The following ACAP2 variants were observed in gnomAD, a reference collection of about 807,000 sequenced individuals.
ACAP2 encodes the protein ArfGAP with coiled-coil, ankyrin repeat and PH domains 2.
In ACAP2, 39 loss-of-function variants were observed where a neutral mutation model predicts 115.8. The observed-to-expected ratio is 0.34, with a 90% CI of 0.26 to 0.44. The LOEUF is 0.44. ACAP2 is among the 20% of genes least tolerant of loss of function. The pLI, the probability that ACAP2 is intolerant of heterozygous loss-of-function variation, is 1.00. For missense variants in ACAP2, 662 were observed against 927.6 expected (o/e 0.71, Z 3.72); for synonymous variants, 289 against 315.8 (o/e 0.92, Z 0.90).
chr3:195,358,695 G>C (rs1159534948), intron 4 of ACAP2, among the ~76,000 whole-genome samples: 2 of 151,944 alleles, frequency 1.3e-5, no homozygotes, highest in Admixed American at 6.6e-5. Context: ...GAATAAAAAA[G>C]AATGAAGCAT....
At chr3:195,300,894 G>A (rs762221428) in intron 15 of ACAP2, among the ~76,000 whole-genome samples, 19 of 152,072 alleles carry the variant, frequency 1.2e-4, no homozygotes, top group Non-Finnish European at 2.6e-4. Flanking sequence ...GCATGCATCT[G>A]TGGTGTCAAT....
chr3:195,391,820 C>T (rs566360025), intron 2 of ACAP2, among the ~76,000 whole-genome samples: 1 of 152,010 alleles, frequency 6.6e-6, no homozygotes, highest in South Asian at 2.1e-4. Context: ...CATGGGAAAC[C>T]CTGTCTCTAC....
intron 15 of ACAP2, among the ~76,000 whole-genome samples, chr3:195,300,044 C>CTTTTTTTT (rs765234326): frequency 1.2e-4 from 4 of 34,364 alleles, no homozygotes; most frequent in Non-Finnish European, 1.9e-4. Context: ...CTTTTTTTTT[C>CTTTTTTTT]TTTTTTTTTT....
chr3:195,420,380 A>T (rs887230839), intron 1 of ACAP2, among the ~76,000 whole-genome samples: 2 of 151,708 alleles, frequency 1.3e-5, no homozygotes, highest in Non-Finnish European at 2.9e-5. Context: ...ACGGAGTCTC[A>T]CTCTGTCTCC....
Position 195,392,111 on chromosome 3 carries a change from T to A in ACAP2, c.90A>T (p.Glu30Asp). The change falls in exon 2 of 23, where the codon GAA becomes GAT. Residue 30 changes from glutamate to aspartate, a missense_variant. Coordinates refer to ENST00000326793, the MANE Select transcript of ACAP2 (RefSeq NM_012287.6). ...TTACCTTATCAAGTTTTAGTTCCAA[T>A]TCTGCCACATCACCTTCTACTTCTT... The part of the protein sequence containing the change: ...ALEEVEGDVA[E>D]LELKLDKLVK... The A allele has an allele frequency of 6.2e-7, 1 of 1,612,832 alleles. No homozygotes were observed. The highest frequency in any genetic ancestry group is 1.1e-5 in the South Asian group (1 of 90,670).
chr3:195,384,107 G>A (rs983355222), intron 2 of ACAP2, among the ~76,000 whole-genome samples: 2 of 152,024 alleles, frequency 1.3e-5, no homozygotes, highest in Non-Finnish European at 2.9e-5. Flanking sequence ...TTCTAACTTC[G>A]CAATTTCACT....
At chr3:195,299,932 T>C (rs1727918937) in intron 15 of ACAP2, among the ~76,000 whole-genome samples, 2 of 151,468 alleles carry the variant, frequency 1.3e-5, no homozygotes, top group Non-Finnish European at 2.9e-5. Flanking sequence ...GATTAAAATT[T>C]GAAAAATATT....
chr3:195,364,853 T>A (rs1442081314), intron 4 of ACAP2, among the ~76,000 whole-genome samples: 1 of 152,212 alleles, frequency 6.6e-6, no homozygotes, highest in Non-Finnish European at 1.5e-5. Context: ...ATATTTACAG[T>A]AGCCAAGATT....
intron 1 of ACAP2, among the ~76,000 whole-genome samples, chr3:195,427,259 C>T (rs1714752973): frequency 6.6e-6 from 1 of 152,134 alleles, no homozygotes; most frequent in Non-Finnish European, 1.5e-5. Context: ...AGAATGCAGC[C>T]CTGCCAACTG....
chr3:195,290,645 TA>T lies in ACAP2; in HGVS notation c.2063+1060del, dbSNP rs1187874912. Among the ~76,000 whole-genome samples, 3 of 151,822 alleles carry T rather than the reference TA, an allele frequency of 2.0e-5. No individual in the cohort carries two copies. In the East Asian group the frequency reaches 5.8e-4, roughly 29 times the overall value. On this transcript the variant is annotated intron_variant, in intron 20 of 22. Transcript: ENST00000326793. ...GGCCAACATGATGAAACCTCGTCTC[TA>T]CTAAAAATACAAAAAAATTAGCCAG... is the stretch of plus-strand genomic sequence containing the variant.
At position 195,426,925 on chromosome 3, in the gene ACAP2, G is replaced by GC. The variant is rs538700203; in HGVS notation, c.53+15869dup. Among the ~76,000 whole-genome samples the GC allele has an allele frequency of 8.7e-4, 132 of 152,090 alleles. 1 individual carries two copies. The highest frequency in any genetic ancestry group is 2.9e-3 in the African/African-American group (119 of 41,512). On this transcript the variant is annotated intron_variant, in intron 1 of 22. Transcript: ENST00000326793. The stretch of plus-strand genomic sequence containing the variant: ...GGTGGACTGTGGTAGACAAAATAAT[G>GC]CCCCCCGCCACCCGCCCCCACCAAG...
Position 195,276,468 on chromosome 3 carries a change from G to C in ACAP2, c.*2860C>G, listed in dbSNP as rs867942314. 32 of 152,246 alleles carry C rather than the reference G, an allele frequency of 2.1e-4. No individual in the cohort carries two copies. The highest frequency in any genetic ancestry group is 7.7e-4 in the African/African-American group (32 of 41,536). The allele number at this position is 152,246 out of a possible 1,614,324, so 9.4% of individuals were successfully genotyped here. On this transcript the variant is annotated 3_prime_UTR_variant, in exon 23 of 23. Coordinates refer to ENST00000326793, the MANE Select transcript of ACAP2 (RefSeq NM_012287.6). ...ATTACTTTTATTCTAGCTCTAACAT[G>C]AAATTGCATTTTATTAACTCTTCAT...
Position 195,342,507 on chromosome 3 carries a change from T to C in ACAP2, c.492A>G (p.Lys164=). The C allele has an allele frequency of 6.2e-7, 1 of 1,610,580 alleles. No homozygotes were observed. The highest frequency in any genetic ancestry group is 8.5e-7 in the Non-Finnish European group (1 of 1,179,210). ...EATNILTATR[K]CFRHIALDYV... The stretch of plus-strand genomic sequence containing the variant: ...AATCGAGGGCTATGTGTCGGAAACA[T>C]TTTCTTGTTGCTGTCAGAATGTTGG... Residue 164 remains lysine (K), a synonymous_variant, in exon 6 of 23, where the codon AAA becomes AAG. Coordinates refer to ENST00000326793, the MANE Select transcript of ACAP2 (RefSeq NM_012287.6).
intron 2 of ACAP2, among the ~76,000 whole-genome samples, chr3:195,382,759 C>T (rs1019794311): frequency 4.6e-5 from 7 of 151,708 alleles, no homozygotes; most frequent in African/African-American, 1.7e-4. Context: ...TGCCCTGAGA[C>T]CTAGGGGAAC....
chr3:195,437,000 A>G (rs912002355), intron 1 of ACAP2, among the ~76,000 whole-genome samples: 8 of 152,228 alleles, frequency 5.3e-5, no homozygotes, highest in African/African-American at 9.6e-5. Context: ...TTAAATTTCT[A>G]TATGATAAAA....
chr3:195,356,497 C>T (rs562864478), intron 4 of ACAP2, among the ~76,000 whole-genome samples: 2 of 152,172 alleles, frequency 1.3e-5, no homozygotes, highest in Non-Finnish European at 2.9e-5. Flanking sequence ...GAGACACCAG[C>T]CAATGCGGCT....
At chr3:195,409,779 G>A (rs1290293455) in intron 1 of ACAP2, among the ~76,000 whole-genome samples, 1 of 149,134 alleles carries the variant, frequency 6.7e-6, no homozygotes, top group Admixed American at 6.8e-5. Flanking sequence ...GGGAGGCTGA[G>A]GCAAGAGAAT....
chr3:195,422,786 T>C (rs1714291856), intron 1 of ACAP2, among the ~76,000 whole-genome samples: 2 of 152,184 alleles, frequency 1.3e-5, no homozygotes, highest in African/African-American at 4.8e-5. Flanking sequence ...TCCAAAATCC[T>C]TAACATGACA....
At chr3:195,369,211 T>C (rs191237255) in intron 4 of ACAP2, among the ~76,000 whole-genome samples, 2 of 152,292 alleles carry the variant, frequency 1.3e-5, no homozygotes, top group East Asian at 3.9e-4. Context: ...TGATCATACG[T>C]AATATTTATG....
Sources: allele counts gnomAD v4.1 joint callset (sites outside exome capture counted in the v4.1 genomes callset), GRCh38; gene constraint gnomAD v4.1.1; transcripts MANE v1.5; gene names NCBI Gene and HGNC (gene_info 2026-07-23, HGNC 2026-07-21).